Variants in ABCG2 observed in about 807,000 individuals in gnomAD.
The protein encoded by ABCG2 is ATP binding cassette subfamily G member 2 (JR blood group), also known as broad substrate specificity ATP-binding cassette transporter ABCG2.
In ABCG2, 80 loss-of-function variants were observed where a neutral mutation model predicts 73.5. The ratio of observed to expected loss-of-function variants is 1.09; its 90% CI spans 0.91 to 1.31. ABCG2 has a LOEUF of 1.31. Ranked by LOEUF, ABCG2 falls within the 50% of genes most tolerant of loss-of-function variation. ABCG2 has a pLI of 0.00. For synonymous variants in ABCG2, 269 were observed against 282.4 expected (o/e 0.95, Z 0.48); for missense variants, 796 against 786.2 (o/e 1.01, Z -0.15).
At chr4:88,107,585 T>C (rs776285618) in intron 9 of ABCG2, among the ~76,000 whole-genome samples, 2 of 152,182 alleles carry the variant, frequency 1.3e-5, no homozygotes, top group Non-Finnish European at 2.9e-5. Context: ...ACTGAGCTTG[T>C]GAATACCACA....
intron 14 of ABCG2, among the ~76,000 whole-genome samples, chr4:88,095,017 T>C (rs45618439): frequency 6.6e-6 from 1 of 152,336 alleles, no homozygotes; most frequent in African/African-American, 2.4e-5. Context: ...ACAGTGACAA[T>C]CTTTCGTTCT....
intron 11 of ABCG2, 35 bp downstream of exon 11, chr4:88,101,195 G>T (rs756577712): frequency 4.4e-6 from 7 of 1,592,272 alleles, no homozygotes; most frequent in Non-Finnish European, 5.2e-6. Context: ...CCCTGCTGCT[G>T]GACAGCCCCG....
chr4:88,113,600 A>C (rs1723301213), intron 8 of ABCG2, 47 bp from the exon 9 acceptor site: 2 of 1,588,122 alleles, frequency 1.3e-6, no homozygotes, highest in South Asian at 1.2e-5. Flanking sequence ...GATAACAACA[A>C]ATTTAGCCCA....
intron 1 of ABCG2, among the ~76,000 whole-genome samples, chr4:88,187,473 C>T (rs992518194): frequency 3.3e-5 from 5 of 151,892 alleles, no homozygotes; most frequent in African/African-American, 1.2e-4. Flanking sequence ...ATTAGCCAGG[C>T]ATGGTGGTGG....
intron 2 of ABCG2, 137 bp downstream of exon 2, chr4:88,139,655 AT>A: frequency 1.4e-6 from 1 of 695,090 alleles, no homozygotes; most frequent in South Asian, 2.0e-5. Flanking sequence ...GCTAAAACAA[AT>A]GAAAGCATGT....
intron 1 of ABCG2, among the ~76,000 whole-genome samples, chr4:88,215,536 C>A (rs1055615626): frequency 1.3e-4 from 20 of 152,186 alleles, no homozygotes; most frequent in African/African-American, 4.8e-4. Context: ...GGACTAGCAT[C>A]CTCAAGGAGC....
At chr4:88,161,361 C>T (rs1727298925), upstream of ABCG2, among the ~76,000 whole-genome samples, 1 of 84,264 alleles carries the variant, frequency 1.2e-5, no homozygotes, top group African/African-American at 4.7e-5. Context: ...GTGATATTCC[C>T]CTTCCTGTGT....
chr4:88,108,365 A>AG (rs1478475830), intron 9 of ABCG2, among the ~76,000 whole-genome samples: 2 of 151,116 alleles, frequency 1.3e-5, no homozygotes, highest in Non-Finnish European at 3.0e-5. Context: ...CTACTAAAAA[A>AG]AAACACACAC....
At chr4:88,188,011 G>C (rs1728534577) in intron 1 of ABCG2, among the ~76,000 whole-genome samples, 1 of 152,216 alleles carries the variant, frequency 6.6e-6, no homozygotes, top group Non-Finnish European at 1.5e-5. Context: ...GGGAGGGAAA[G>C]CATCCTGTAA....
intron 6 of ABCG2, 63 bp downstream of exon 6, chr4:88,121,572 G>T: frequency 6.8e-7 from 1 of 1,463,060 alleles, no homozygotes; most frequent in South Asian, 1.3e-5. Context: ...CCTGCCCCAA[G>T]AATATCTGGG....
chr4:88,101,470 C>G lies in ABCG2; in HGVS notation c.1278-151G>C. The G allele has an allele frequency of 4.5e-6, 3 of 665,780 alleles. No homozygotes were observed. In the South Asian group the frequency reaches 5.4e-5, roughly 12 times the overall value. 41.2% of individuals were successfully genotyped at this position (665,780 alleles called of 1,614,324 possible). ...TCTGGTTGGAACAGGGAAGCGTGAA[C>G]CCCATCAAGCCTCTCCCCATCTCTT... On this transcript the variant is annotated intron_variant, in intron 10 of 15. Transcript: ENST00000237612.
intron 1 of ABCG2, among the ~76,000 whole-genome samples, chr4:88,194,521 G>T (rs923271552): frequency 8.4e-6 from 1 of 118,726 alleles, no homozygotes; most frequent in African/African-American, 3.3e-5. Flanking sequence ...CTGCACTCCA[G>T]CCTGGGCGAC....
chr4:88,128,161 A>G (rs1724569115), intron 5 of ABCG2, among the ~76,000 whole-genome samples: 1 of 152,234 alleles, frequency 6.6e-6, no homozygotes, highest in East Asian at 1.9e-4. Flanking sequence ...GCCAGCAAAC[A>G]TATGAAAAAA....
At chr4:88,180,535 G>C (rs1728189013) in intron 1 of ABCG2, among the ~76,000 whole-genome samples, 1 of 152,104 alleles carries the variant, frequency 6.6e-6, no homozygotes, top group African/African-American at 2.4e-5. Flanking sequence ...AGGAGTTCAA[G>C]ACCAGCCTGG....
chr4:88,227,004 C>T (rs914887900), intron 1 of ABCG2, among the ~76,000 whole-genome samples: 10 of 151,950 alleles, frequency 6.6e-5, no homozygotes, highest in African/African-American at 1.5e-4. Flanking sequence ...CCCAGCTACT[C>T]GGGAGGTTGA....
intron 1 of ABCG2, among the ~76,000 whole-genome samples, chr4:88,196,359 C>T (rs1440106561): frequency 6.6e-6 from 1 of 152,088 alleles, no homozygotes; most frequent in Non-Finnish European, 1.5e-5. Flanking sequence ...AATAATCATC[C>T]CATAAGTGGT....
intron 1 of ABCG2, among the ~76,000 whole-genome samples, chr4:88,208,360 G>C (rs1372986355): frequency 1.3e-5 from 2 of 152,166 alleles, no homozygotes; most frequent in Non-Finnish European, 2.9e-5. Flanking sequence ...GCTTCCTCAA[G>C]CTCTCGCCTT....
chr4:88,157,371 G>C (rs990154342), intron 1 of ABCG2, among the ~76,000 whole-genome samples: 1 of 152,148 alleles, frequency 6.6e-6, no homozygotes, highest in Non-Finnish European at 1.5e-5. Context: ...TGAGATCATC[G>C]ATTGGATCCT....
intron 1 of ABCG2, among the ~76,000 whole-genome samples, chr4:88,152,677 T>C (rs1726589965): frequency 6.6e-6 from 1 of 152,166 alleles, no homozygotes; most frequent in African/African-American, 2.4e-5. Context: ...TGGATGTATA[T>C]GTGCAGGTCA....
Sources: allele counts gnomAD v4.1 joint callset (sites outside exome capture counted in the v4.1 genomes callset), GRCh38; gene constraint gnomAD v4.1.1; transcripts MANE v1.5; gene names NCBI Gene and HGNC (gene_info 2026-07-23, HGNC 2026-07-21).